DNAAF9: variants seen among roughly 807,000 people sequenced by gnomAD.
DNAAF9 encodes the protein dynein axonemal assembly factor 9, also known as shulin.
DNAAF9 carries 90 observed loss-of-function variants against 167.0 expected under a neutral mutation model. The ratio of observed to expected loss-of-function variants is 0.54; its 90% confidence interval spans 0.45 to 0.64. The LOEUF is 0.64. DNAAF9 is among the 30% of genes least tolerant of loss of function. The pLI is 0.00. For missense variants in DNAAF9, 1,315 were observed against 1,442.2 expected (o/e 0.91, Z 1.43); for synonymous variants, 491 against 508.8 (o/e 0.96, Z 0.47).
intron 23 of DNAAF9, 180 bp downstream of exon 23, chr20:3,296,681 C>G (rs979598898): frequency 1.1e-5 from 7 of 619,374 alleles, no homozygotes; most frequent in Non-Finnish European, 1.7e-5. Context: ...GCACATGGCC[C>G]TCTCTTGCCT....
At chr20:3,280,871 TC>T (rs1802768448) in intron 28 of DNAAF9, among the ~76,000 whole-genome samples, 1 of 152,042 alleles carries the variant, frequency 6.6e-6, no homozygotes, top group African/African-American at 2.4e-5. Flanking sequence ...CCTTCCATCT[TC>T]CAAGTGTGCT....
intron 14 of DNAAF9, among the ~76,000 whole-genome samples, chr20:3,323,578 G>A (rs903704399): frequency 5.9e-5 from 9 of 152,116 alleles, no homozygotes; most frequent in East Asian, 1.9e-4. Context: ...ACTGCGCCCC[G>A]CCCTCAGTGA....
Position 3,281,735 on chromosome 20 carries a change from G to A in DNAAF9, c.2518C>T (p.Leu840=), listed in dbSNP as rs538712605. Residue 840 remains leucine, a synonymous_variant, in exon 28 of 37, where the codon CTG becomes TTG. Transcript: ENST00000252032. ...ACATTTGAGTCTGGGTGGGTCTGCA[G>A]GGCCTGGACAACATCAATAACATCT... ...YTDVIDVVQA[L]QTHPDSNVKA... 12 of 1,612,448 alleles carry A rather than the reference G, an allele frequency of 7.4e-6. No individual in the cohort carries two copies. The highest frequency in any genetic ancestry group is 3.3e-5 in the Admixed American group (2 of 59,734).
rs2084080703 is a variant in DNAAF9, at chr20:3,407,514, C to T, written c.44G>A (p.Arg15Gln). ...CCCGCGGCTGGAGCCGCCAGGGGAC[C>T]GAGCGCGGGGCAGCCCCTGCCGGCG... ...PPRRQGLPRA[R>Q]SPGGSSRGSP... Residue 15 changes from arginine (R) to glutamine (Q), a missense_variant, in exon 1 of 37, where the codon CGG (arginine) becomes CAG (glutamine). By Grantham distance (43) the Arg-to-Gln change is conservative. Coordinates refer to ENST00000252032, the MANE Select transcript of DNAAF9 (RefSeq NM_001009984.3). 7.8e-7 allele frequency: 1 copy of T among 1,274,550 alleles called. No homozygotes were observed. The highest frequency in any genetic ancestry group is 9.9e-7 in the Non-Finnish European group (1 of 1,014,606). The allele number at this position is 1,274,550 out of a possible 1,614,324, so 79.0% of individuals were successfully genotyped here. A position where few individuals can be genotyped will look rare whatever the true frequency, so the allele number is the denominator to read the frequency against.
chr20:3,337,705 G>T (rs537078232), intron 10 of DNAAF9, among the ~76,000 whole-genome samples: 5 of 151,070 alleles, frequency 3.3e-5, no homozygotes, highest in African/African-American at 1.2e-4. Flanking sequence ...ATAACTAATC[G>T]AAGTCCACCT....
chr20:3,288,748 A>G (rs111395789), intron 26 of DNAAF9, among the ~76,000 whole-genome samples: 1 of 152,154 alleles, frequency 6.6e-6, no homozygotes, highest in Non-Finnish European at 1.5e-5. Flanking sequence ...TGGTAATCTG[A>G]CAGCCAGGTG....
intron 6 of DNAAF9, 148 bp from the exon 7 acceptor site, chr20:3,359,741 T>C (rs2083335248): frequency 3.4e-6 from 2 of 590,104 alleles, no homozygotes; most frequent in African/African-American, 3.8e-5. Context: ...ATATTTGCCC[T>C]ATACATATTA....
At chr20:3,290,075 G>T (rs1381422491) in intron 26 of DNAAF9, 54 bp downstream of exon 26, 3 of 1,143,548 alleles carry the variant, frequency 2.6e-6, no homozygotes, top group African/African-American at 1.5e-5. Flanking sequence ...CAGTGCCTAG[G>T]CAGGCCCAAG....
Position 3,319,244 on chromosome 20 carries a change from C to T in DNAAF9, c.1357-844G>A, listed in dbSNP as rs144280031. On this transcript the variant is annotated intron_variant, in intron 16 of 36. Transcript: ENST00000252032. ...TGCCACTGCACTCCAGCCTGGGCAA[C>T]GGACCGAGACCCCGTCTCAAAAAAA... Among the ~76,000 whole-genome samples the T allele has an allele frequency of 6.5e-3, 776 of 119,454 alleles. 10 individuals are homozygous for T. Among genetic ancestry groups the T allele is most frequent in the Middle Eastern group, 0.035 (6 of 172 alleles). The allele number at this position is 119,454 out of a possible 152,430, so 78.4% of individuals were successfully genotyped here.
chr20:3,398,322 T>C (rs1052622871), intron 1 of DNAAF9, among the ~76,000 whole-genome samples: 2 of 152,190 alleles, frequency 1.3e-5, no homozygotes, highest in East Asian at 3.8e-4. Context: ...CCAGCAACTC[T>C]TCCTATAAGT....
chr20:3,289,152 G>C (rs779794993), intron 26 of DNAAF9, among the ~76,000 whole-genome samples: 20 of 152,106 alleles, frequency 1.3e-4, no homozygotes, highest in Non-Finnish European at 2.5e-4. Context: ...TTTGAGACCA[G>C]CCTGGACAAC....
At chr20:3,366,063 T>C (rs1437211681) in intron 6 of DNAAF9, among the ~76,000 whole-genome samples, 1 of 152,176 alleles carries the variant, frequency 6.6e-6, no homozygotes, top group Non-Finnish European at 1.5e-5. Context: ...TCTCGCAAAC[T>C]CCTGTTAATG....
intron 3 of DNAAF9, 44 bp downstream of exon 3, chr20:3,381,335 C>G: frequency 6.8e-7 from 1 of 1,475,076 alleles, no homozygotes; most frequent in Non-Finnish European, 9.3e-7. Flanking sequence ...AATAAATAAA[C>G]CTCTTACTCT....
intron 1 of DNAAF9, among the ~76,000 whole-genome samples, chr20:3,395,899 G>A (rs982401201): frequency 2.0e-5 from 3 of 152,080 alleles, no homozygotes; most frequent in African/African-American, 7.2e-5. Context: ...ATCTTGAATT[G>A]TAACTCCCAT....
intron 7 of DNAAF9, among the ~76,000 whole-genome samples, chr20:3,351,015 CAAAAA>C (rs2070312234): frequency 6.6e-6 from 1 of 151,926 alleles, no homozygotes; most frequent in Admixed American, 6.6e-5. Context: ...GTTCACAAAA[CAAAAA>C]GAGAACCAAT....
intron 13 of DNAAF9, among the ~76,000 whole-genome samples, 194 bp from the exon 14 acceptor site, chr20:3,325,162 G>A (rs2069688571): frequency 6.6e-6 from 1 of 152,206 alleles, no homozygotes; most frequent in African/African-American, 2.4e-5. Context: ...AGAAGGGCCT[G>A]CTTTCTCCAG....
intron 28 of DNAAF9, among the ~76,000 whole-genome samples, chr20:3,280,949 C>T (rs767733044): frequency 6.6e-6 from 1 of 151,936 alleles, no homozygotes; most frequent in Non-Finnish European, 1.5e-5. Flanking sequence ...ATTCCATAAT[C>T]ATGTTCACCC....
Position 3,369,566 on chromosome 20 carries a change from G to C in DNAAF9, c.612+4482C>G, listed in dbSNP as rs189291340. On this transcript the variant is annotated intron_variant, in intron 6 of 36. Coordinates refer to ENST00000252032, the MANE Select transcript of DNAAF9 (RefSeq NM_001009984.3). Reference sequence around the variant, plus strand: ...TACTTTTCTATTTTTAGTAGAGACGGGGGTCTCGCTGTGTTGACCGAGCTG... The same window carrying C: ...TACTTTTCTATTTTTAGTAGAGACGCGGGTCTCGCTGTGTTGACCGAGCTG... 6.0e-3 allele frequency among the ~76,000 whole-genome samples: 905 copies of C among 151,928 alleles called. 9 individuals carry two copies. Among genetic ancestry groups the C allele is most frequent in the South Asian group, 0.028 (134 of 4,802 alleles).
chr20:3,256,302 A>C, intron 33 of DNAAF9, 91 bp from the exon 34 acceptor site: 1 of 933,478 alleles, frequency 1.1e-6, no homozygotes, highest in Non-Finnish European at 1.7e-6. Flanking sequence ...GTTGGGATAG[A>C]TTCATGAGAA....
Sources: allele counts gnomAD v4.1 joint callset (sites outside exome capture counted in the v4.1 genomes callset), GRCh38; gene constraint gnomAD v4.1.1; transcripts MANE v1.5; gene names NCBI Gene and HGNC (gene_info 2026-07-23, HGNC 2026-07-21).